The following EYS variants were observed in gnomAD, a reference collection of about 807,000 sequenced individuals.
EYS encodes protein eyes shut homolog.
EYS carries 250 observed loss-of-function variants against 282.1 expected under a neutral mutation model. That is an observed-to-expected ratio of 0.89 (90% CI 0.80 to 0.98). The LOEUF (loss-of-function observed/expected upper bound fraction) is 0.98, where lower values mean the gene tolerates loss of function less well. Among genes scored for constraint, EYS ranks in the 50% least tolerant of loss-of-function variants. EYS has a pLI of 0.00. For missense variants in EYS, 4,016 were observed against 3,709.0 expected (o/e 1.08, Z -2.15); for synonymous variants, 1,355 against 1,282.9 (o/e 1.06, Z -1.20).
chr6:65,169,561 A>G (rs1765055563), intron 12 of EYS, among the ~76,000 whole-genome samples: 1 of 151,490 alleles, frequency 6.6e-6, no homozygotes, highest in Non-Finnish European at 1.5e-5. Flanking sequence ...CAGCCAATAC[A>G]ACACATGCTT....
At chr6:65,659,418 A>G (rs1421563349) in intron 1 of EYS, among the ~76,000 whole-genome samples, 2 of 151,766 alleles carry the variant, frequency 1.3e-5, no homozygotes, top group South Asian at 2.1e-4. Flanking sequence ...ATGTTGGAAT[A>G]TAAAATAAGG....
At chr6:64,995,784 A>T (rs1771239423) in intron 14 of EYS, among the ~76,000 whole-genome samples, 1 of 150,358 alleles carries the variant, frequency 6.7e-6, no homozygotes, top group Non-Finnish European at 1.5e-5. Context: ...ACTATACTAC[A>T]GTTAGTTGGA....
At chr6:63,838,945 A>T (rs1562052833) in intron 36 of EYS, among the ~76,000 whole-genome samples, 1 of 152,184 alleles carries the variant, frequency 6.6e-6, no homozygotes, top group Non-Finnish European at 1.5e-5. Flanking sequence ...AAATTGATAC[A>T]TGATAATTGC....
rs561466341 is a variant in EYS at position 63,736,643 on chromosome 6, T to C, written c.8072-9963A>G. On this transcript the variant is annotated intron_variant, in intron 41 of 42. Transcript: ENST00000503581. The stretch of plus-strand genomic sequence containing the variant: ...GTGAAGAAAGTCATTGGTAGCTTGA[T>C]GGGGATGGCATTGAATCTATAAATT... Among the ~76,000 whole-genome samples, 292 of 152,302 alleles carry C rather than the reference T, an allele frequency of 1.9e-3. 1 individual carries two copies. Among genetic ancestry groups the C allele is most frequent in the African/African-American group, 5.5e-3 (228 of 41,556 alleles).
intron 29 of EYS, among the ~76,000 whole-genome samples, chr6:64,373,327 G>A (rs996456281): frequency 4.6e-5 from 7 of 152,162 alleles, no homozygotes; most frequent in African/African-American, 7.2e-5. Flanking sequence ...CCTGGGTCTT[G>A]GAGGAGCCCT....
chr6:63,954,173 C>T (rs12191670), intron 35 of EYS, among the ~76,000 whole-genome samples: 45,683 of 152,012 alleles, frequency 0.3, 6,956 homozygotes, highest in Admixed American at 0.38. Context: ...ATCCACCTGA[C>T]ATTCACTCCA....
At chr6:64,373,020 A>G (rs532141535) in intron 29 of EYS, among the ~76,000 whole-genome samples, 3 of 152,202 alleles carry the variant, frequency 2.0e-5, no homozygotes, top group South Asian at 2.1e-4. Context: ...CTGTATGTTG[A>G]TAATCTTTAT....
intron 19 of EYS, among the ~76,000 whole-genome samples, chr6:64,848,493 G>T (rs1032472463): frequency 1.3e-5 from 2 of 152,044 alleles, no homozygotes; most frequent in Admixed American, 1.3e-4. Flanking sequence ...TCAGTTAACT[G>T]CATTGCTAGG....
intron 5 of EYS, among the ~76,000 whole-genome samples, chr6:65,482,851 T>C (rs182147548): frequency 2.0e-5 from 3 of 152,278 alleles, no homozygotes; most frequent in African/African-American, 7.2e-5. Flanking sequence ...AACTAAATGT[T>C]TATGGTAGCT....
chr6:64,277,474 CTG>C (rs1243038155), intron 30 of EYS, among the ~76,000 whole-genome samples: 2 of 152,010 alleles, frequency 1.3e-5, no homozygotes, highest in Non-Finnish European at 2.9e-5. Flanking sequence ...ACAGAAAGAA[CTG>C]AGATTTATAA....
intron 22 of EYS, among the ~76,000 whole-genome samples, chr6:64,756,380 CT>C (rs1308020888): frequency 6.6e-6 from 1 of 152,092 alleles, no homozygotes; most frequent in Non-Finnish European, 1.5e-5. Context: ...GAATAAGGAT[CT>C]TGCTTTTTTA....
intron 22 of EYS, among the ~76,000 whole-genome samples, chr6:64,675,464 G>T (rs1358232102): frequency 2.2e-4 from 25 of 113,602 alleles, no homozygotes; most frequent in African/African-American, 8.9e-4. Context: ...GTCTGGCTCT[G>T]TTGCCCTTGC....
chr6:64,823,313 G>A (rs1011454819), intron 19 of EYS, among the ~76,000 whole-genome samples: 5 of 151,632 alleles, frequency 3.3e-5, no homozygotes, highest in African/African-American at 4.8e-5. Context: ...GCCAAGTAGC[G>A]AATATTTTTT....
chr6:64,726,414 A>C (rs1771757714), intron 22 of EYS, among the ~76,000 whole-genome samples: 1 of 152,138 alleles, frequency 6.6e-6, no homozygotes, highest in South Asian at 2.1e-4. Context: ...AAATTCTCTA[A>C]TCTTTTAAAT....
intron 1 of EYS, among the ~76,000 whole-genome samples, chr6:65,689,344 A>T (rs13211509): frequency 0.17 from 25,471 of 148,804 alleles, 3,281 homozygotes; most frequent in East Asian, 0.36. Context: ...TGGACACAAG[A>T]AGGGGAACAT....
chr6:65,537,816 T>C (rs1159366802), intron 2 of EYS, among the ~76,000 whole-genome samples: 4 of 152,194 alleles, frequency 2.6e-5, no homozygotes, highest in East Asian at 1.9e-4. Flanking sequence ...AGATGAATAA[T>C]GGAAGAATCA....
At chr6:63,757,303 A>G (rs964041079) in intron 41 of EYS, among the ~76,000 whole-genome samples, 1 of 152,068 alleles carries the variant, frequency 6.6e-6, no homozygotes, top group Non-Finnish European at 1.5e-5. Flanking sequence ...GGTTTCCTGC[A>G]GTACCCTCAG....
intron 22 of EYS, among the ~76,000 whole-genome samples, chr6:64,786,391 G>T (rs1347440048): frequency 6.6e-6 from 1 of 151,982 alleles, no homozygotes; most frequent in Non-Finnish European, 1.5e-5. Context: ...TTTGCATAGG[G>T]CTCAGGGGAT....
At chr6:64,550,848 A>T (rs547795704) in intron 26 of EYS, among the ~76,000 whole-genome samples, 1 of 152,126 alleles carries the variant, frequency 6.6e-6, no homozygotes. Context: ...TCATGAGTGA[A>T]CTCCCATTCA....
Sources: gnomAD v4.1 joint callset for allele counts (sites outside exome capture counted in the v4.1 genomes callset) on GRCh38, gnomAD v4.1.1 for gene constraint, MANE v1.5 for transcripts, NCBI Gene and HGNC (gene_info 2026-07-23, HGNC 2026-07-21) for gene names.